The following ZNF280A variants were observed in gnomAD, a reference collection of about 807,000 sequenced individuals.
ZNF280A encodes the protein zinc finger protein 280A.
A neutral mutation model predicts 35.9 loss-of-function variants in ZNF280A; 26 were observed. The observed-to-expected ratio is 0.72, with a 90% confidence interval of 0.53 to 1.01. The LOEUF (loss-of-function observed/expected upper bound fraction) is 1.01. Among genes scored for constraint, ZNF280A ranks in the 50% least tolerant of loss-of-function variants. The probability of loss-of-function intolerance (pLI) is 0.00; values close to 1 mark genes in which losing one functional copy is unlikely to be tolerated. For synonymous variants in ZNF280A, 231 were observed against 232.9 expected (o/e 0.99, Z 0.07); for missense variants, 654 against 652.0 (o/e 1.00, Z -0.03).
At position 22,514,176 on chromosome 22, in the gene ZNF280A, C is replaced by A; in HGVS notation, c.1455G>T (p.Gly485=). The change falls in exon 2 of 2, where the codon GGG becomes GGT. Residue 485 remains glycine (G), a synonymous_variant. Transcript: ENST00000302097. ...QTFKKPEQLQ[G]LPSETKVIIQ... ...TAATAACTTTTGTTTCACTAGGCAA[C>A]CCTTGCAGTTGCTCCGGCTTTTTAA... 6.2e-7 allele frequency: 1 copy of A among 1,613,810 alleles called. No individual in the cohort carries two copies. Among genetic ancestry groups the A allele is most frequent in the Non-Finnish European group, 8.5e-7 (1 of 1,179,956 alleles).
chr22:22,513,785 G>A lies in ZNF280A; in HGVS notation c.*217C>T, dbSNP rs1163015784. On this transcript the variant is annotated 3_prime_UTR_variant, in exon 2 of 2. Transcript: ENST00000302097. Reference sequence around the variant, plus strand: ...GTTCATGAACAAGAAAAACCTCTGAGGTCAGAATAAGGGATGCCCTGTTGG... The same window carrying A: ...GTTCATGAACAAGAAAAACCTCTGAAGTCAGAATAAGGGATGCCCTGTTGG... 1.5e-5 allele frequency: 7 copies of A among 464,486 alleles called. No homozygotes were observed. Among genetic ancestry groups the A allele is most frequent in the Non-Finnish European group, 2.2e-5 (6 of 266,884 alleles). The allele number at this position is 464,486 out of a possible 1,614,324, so 28.8% of individuals were successfully genotyped here. A position where few individuals can be genotyped will look rare whatever the true frequency, so the allele number is the denominator to read the frequency against.
chr22:22,515,431 G>C lies in ZNF280A; in HGVS notation c.200C>G (p.Thr67Ser). The change falls in exon 2 of 2, where the codon ACC becomes AGC. Residue 67 changes from threonine (T) to serine (S), a missense_variant. By Grantham distance (58) the Thr-to-Ser change is moderately conservative (BLOSUM62 1). Transcript: ENST00000302097. Reference sequence around the variant, plus strand: ...CTTTCTTCTTGAATTTGAGCCTGGGGTGACTCTGTTCAAAATGTTTGAAAC... The same window carrying C: ...CTTTCTTCTTGAATTTGAGCCTGGGCTGACTCTGTTCAAAATGTTTGAAAC... The part of the protein sequence containing the change: ...PVVSNILNRV[T>S]PGSNSRRKKG... 1 of 1,613,766 alleles carries C rather than the reference G, an allele frequency of 6.2e-7. No homozygotes were observed. Among genetic ancestry groups the C allele is most frequent in the Non-Finnish European group, 8.5e-7 (1 of 1,179,960 alleles).
chr22:22,518,235 A>G (rs1413426702), intron 1 of ZNF280A, among the ~76,000 whole-genome samples: 1 of 151,766 alleles, frequency 6.6e-6, no homozygotes, highest in Non-Finnish European at 1.5e-5. Flanking sequence ...AATTGATGGC[A>G]TCTTATAGTC....
chr22:22,516,164 C>T (rs946867304), intron 1 of ZNF280A, among the ~76,000 whole-genome samples: 27 of 151,644 alleles, frequency 1.8e-4, no homozygotes, highest in African/African-American at 6.3e-4. Context: ...ACCTGTGGTC[C>T]CAGCTACTTG....
Position 22,514,276 on chromosome 22 carries a change from T to C in ZNF280A, c.1355A>G (p.Gln452Arg), listed in dbSNP as rs2062042318. ...AAACTGTAGCCGGCACTTGGAACAC[T>C]GAAGGACCCTCCTTCTGCTGTGCCT... Reference protein sequence around the residue: ...CWRHSRRRVLQCSKCRLQFLT... With the variant: ...CWRHSRRRVLRCSKCRLQFLT... The change falls in exon 2 of 2, where the codon CAG becomes CGG. Residue 452 changes from glutamine to arginine, a missense_variant. Transcript: ENST00000302097. The C allele has an allele frequency of 8.1e-6, 13 of 1,613,962 alleles. No individual in the cohort carries two copies. Among genetic ancestry groups the C allele is most frequent in the East Asian group, 2.2e-5 (1 of 44,816 alleles).
Position 22,514,838 on chromosome 22 carries a change from A to G in ZNF280A, c.793T>C (p.Phe265Leu). 1 of 1,613,920 alleles carries G rather than the reference A, an allele frequency of 6.2e-7. No individual in the cohort carries two copies. ...ISSLASQNKT[F>L]DPKKENPIVL... ...ATGGGATTTTCTTTCTTGGGATCAA[A>G]GGTCTTGTTTTGACTTGCTAGACTT... Residue 265 changes from phenylalanine to leucine, a missense_variant, in exon 2 of 2, where the codon TTT becomes CTT. By Grantham distance (22) the Phe-to-Leu change is conservative. Transcript: ENST00000302097.
chr22:22,517,956 G>A (rs1415111401), intron 1 of ZNF280A, among the ~76,000 whole-genome samples: 3 of 135,542 alleles, frequency 2.2e-5, no homozygotes, highest in Admixed American at 8.1e-5. Flanking sequence ...ATGGAGTCTC[G>A]CTCTGTCGCC....
Position 22,514,687 on chromosome 22 carries a change from T to C in ZNF280A, c.944A>G (p.His315Arg). The change falls in exon 2 of 2, where the codon CAC becomes CGC. Residue 315 changes from histidine to arginine, a missense_variant. By Grantham distance (29) the His-to-Arg change is conservative (BLOSUM62 0). Transcript: ENST00000302097. Reference protein sequence around the residue: ...KVLKNIKFMNHMKHHLEFEKQ... With the variant: ...KVLKNIKFMNRMKHHLEFEKQ... ...CTCAAATTCCAAATGATGCTTCATGTGATTCATAAACTTAATATTTTTTAG... is the reference window on the plus strand; with the variant it reads ...CTCAAATTCCAAATGATGCTTCATGCGATTCATAAACTTAATATTTTTTAG... The C allele has an allele frequency of 6.2e-7, 1 of 1,613,976 alleles. No homozygotes were observed. The highest frequency in any genetic ancestry group is 8.5e-7 in the Non-Finnish European group (1 of 1,179,996).
rs2062059236 is a variant in ZNF280A, at chr22:22,515,495, C to T, written c.136G>A (p.Val46Ile). 5.0e-6 allele frequency: 8 copies of T among 1,613,858 alleles called. No homozygotes were observed. The highest frequency in any genetic ancestry group is 5.9e-6 in the Non-Finnish European group (7 of 1,179,972). Reference sequence around the variant, plus strand: ...TTTGAAATCATCCCGACAAAGAGAACTTCAGCATCTCTATGTACATGCTCC... The same window carrying T: ...TTTGAAATCATCCCGACAAAGAGAATTTCAGCATCTCTATGTACATGCTCC... ...GVEHVHRDAE[V>I]LFVGMISNSK... Residue 46 changes from valine to isoleucine, a missense_variant, in exon 2 of 2, where the codon GTT (valine) becomes ATT (isoleucine). Transcript: ENST00000302097.
chr22:22,514,178 C>G lies in ZNF280A; in HGVS notation c.1453G>C (p.Gly485Arg). Residue 485 changes from glycine to arginine, a missense_variant, in exon 2 of 2, where the codon GGG becomes CGG. Physicochemically the swap from Gly to Arg is moderately radical, Grantham distance 125 (BLOSUM62 -2). Coordinates refer to ENST00000302097, the MANE Select transcript of ZNF280A (RefSeq NM_080740.5). The stretch of plus-strand genomic sequence containing the variant: ...ATAACTTTTGTTTCACTAGGCAACC[C>G]TTGCAGTTGCTCCGGCTTTTTAAAT... ...QTFKKPEQLQ[G>R]LPSETKVIIQ... 1 of 1,613,766 alleles carries G rather than the reference C, an allele frequency of 6.2e-7. No individual in the cohort carries two copies. Among genetic ancestry groups the G allele is most frequent in the East Asian group, 2.2e-5 (1 of 44,802 alleles).
At chr22:22,517,497 G>A (rs1368290026) in intron 1 of ZNF280A, among the ~76,000 whole-genome samples, 1 of 151,874 alleles carries the variant, frequency 6.6e-6, no homozygotes, top group African/African-American at 2.4e-5. Context: ...ATTTAATACT[G>A]TTGTACAAGG....
At chr22:22,517,304 C>T (rs361876) in intron 1 of ZNF280A, among the ~76,000 whole-genome samples, 82,242 of 151,732 alleles carry the variant, frequency 0.54, 24,559 homozygotes, top group African/African-American at 0.79. Context: ...GTATGCCACA[C>T]GAGGGCAGGG....
chr22:22,514,122 A>T lies in ZNF280A; in HGVS notation c.1509T>A (p.Ser503Arg). 6.2e-7 allele frequency: 1 copy of T among 1,613,934 alleles called. No individual in the cohort carries two copies. Among genetic ancestry groups the T allele is most frequent in the Non-Finnish European group, 8.5e-7 (1 of 1,179,962 alleles). The change falls in exon 2 of 2, where the codon AGT (serine) becomes AGA (arginine). Residue 503 changes from serine to arginine, a missense_variant. By Grantham distance (110) the Ser-to-Arg change is moderately radical (BLOSUM62 -1). Coordinates refer to ENST00000302097, the MANE Select transcript of ZNF280A (RefSeq NM_080740.5). ...IIQTSVQPGS[S>R]GMASVIVSNT... ...TGCTAACAATAACGGAAGCCATACC[A>T]CTTGATCCTGGCTGAACTGAAGTTT...
In ZNF280A at chr22:22,515,646, T is replaced by A; in HGVS notation, c.-16A>T. The A allele has an allele frequency of 6.4e-7, 1 of 1,560,714 alleles. No individual in the cohort carries two copies. The highest frequency in any genetic ancestry group is 8.6e-7 in the Non-Finnish European group (1 of 1,157,068). On this transcript the variant is annotated 5_prime_UTR_variant, in exon 2 of 2. Coordinates refer to ENST00000302097, the MANE Select transcript of ZNF280A (RefSeq NM_080740.5). Reference sequence around the variant, plus strand: ...TATCTCCCATTTTCAATTTACTTTTTGCTTGAAGCCACTGGTCTCTTCAAC... The same window carrying A: ...TATCTCCCATTTTCAATTTACTTTTAGCTTGAAGCCACTGGTCTCTTCAAC...
rs925326903 is a variant in ZNF280A, at chr22:22,514,890, C to G, written c.741G>C (p.Glu247Asp). The change falls in exon 2 of 2, where the codon GAG (glutamate) becomes GAC (aspartate). Residue 247 changes from glutamate to aspartate, a missense_variant. Transcript: ENST00000302097. Reference protein sequence around the residue: ...FNLTDPERASESALAMTDISS... With the variant: ...FNLTDPERASDSALAMTDISS... ...AAATGTCTGTCATTGCCAGGGCAGA[C>G]TCACTTGCTCTCTCTGGATCTGTAA... is the stretch of plus-strand genomic sequence containing the variant. 2 of 1,613,620 alleles carry G rather than the reference C, an allele frequency of 1.2e-6. No individual in the cohort carries two copies. Among genetic ancestry groups the G allele is most frequent in the Non-Finnish European group, 1.7e-6 (2 of 1,179,904 alleles).
rs1276409483 is a variant in ZNF280A at position 22,513,894 on chromosome 22, A to C, written c.*108T>G. 1 of 720,316 alleles carries C rather than the reference A, an allele frequency of 1.4e-6. No homozygotes were observed. The highest frequency in any genetic ancestry group is 2.5e-5 in the East Asian group (1 of 40,182). 44.6% of individuals were successfully genotyped at this position (720,316 alleles called of 1,614,324 possible). On this transcript the variant is annotated 3_prime_UTR_variant, in exon 2 of 2. Coordinates refer to ENST00000302097, the MANE Select transcript of ZNF280A (RefSeq NM_080740.5). ...CTGATGAGATGTCACTGTAAAAAAC[A>C]ACCTGACAGTTGATGACATTGCTTG...
At position 22,515,546 on chromosome 22, in the gene ZNF280A, C is replaced by T. The variant is rs758626138; in HGVS notation, c.85G>A (p.Asp29Asn). 6.2e-7 allele frequency: 1 copy of T among 1,613,474 alleles called. No homozygotes were observed. The highest frequency in any genetic ancestry group is 1.1e-5 in the South Asian group (1 of 90,914). ...ACCCCAACATAGATCAGATCTGGAT[C>T]TTCATCATCCTCCTCCCTTTGTTTG... Reference protein sequence around the residue: ...ESKQREEDDEDPDLIYVGVEH... With the variant: ...ESKQREEDDENPDLIYVGVEH... The change falls in exon 2 of 2, where the codon GAT (aspartate) becomes AAT (asparagine). Residue 29 changes from aspartate to asparagine, a missense_variant. Physicochemically the swap from Asp to Asn is conservative, Grantham distance 23. Coordinates refer to ENST00000302097, the MANE Select transcript of ZNF280A (RefSeq NM_080740.5).
chr22:22,514,871 C>G lies in ZNF280A; in HGVS notation c.760G>C (p.Asp254His). The change falls in exon 2 of 2, where the codon GAC (aspartate) becomes CAC (histidine). Residue 254 changes from aspartate (D) to histidine (H), a missense_variant. Asp to His is a moderately conservative substitution (Grantham distance 81, BLOSUM62 -1). Coordinates refer to ENST00000302097, the MANE Select transcript of ZNF280A (RefSeq NM_080740.5). ...TTTTGACTTGCTAGACTTGAAATGT[C>G]TGTCATTGCCAGGGCAGACTCACTT... ...RASESALAMT[D>H]ISSLASQNKT... 6.2e-7 allele frequency: 1 copy of G among 1,613,776 alleles called. No homozygotes were observed.
At chr22:22,519,607 CT>C (rs2062116336) in intron 1 of ZNF280A, among the ~76,000 whole-genome samples, 1 of 151,928 alleles carries the variant, frequency 6.6e-6, no homozygotes, top group Non-Finnish European at 1.5e-5. Flanking sequence ...TTTACAGCTT[CT>C]TTTTGGCATA....
Sources: gnomAD v4.1 joint callset for allele counts (sites outside exome capture counted in the v4.1 genomes callset) on GRCh38, gnomAD v4.1.1 for gene constraint, MANE v1.5 for transcripts, NCBI Gene and HGNC (gene_info 2026-07-23, HGNC 2026-07-21) for gene names.